CYTH3: variants seen among roughly 807,000 people sequenced by gnomAD.
The protein encoded by CYTH3 is cytohesin 3.
In CYTH3, 23 loss-of-function variants were observed where a neutral mutation model predicts 55.1. That is an observed-to-expected ratio of 0.42 (90% confidence interval 0.30 to 0.59). The LOEUF (loss-of-function observed/expected upper bound fraction) is 0.59, where lower values mean the gene tolerates loss of function less well. Among genes scored for constraint, CYTH3 ranks in the 20% least tolerant of loss-of-function variants. The pLI is 0.20. For missense variants in CYTH3, 413 were observed against 524.8 expected, an observed-to-expected ratio of 0.79 and a Z score of 2.08; for synonymous variants, 249 against 194.9, an observed-to-expected ratio of 1.28 and a Z score of -2.31.
rs369328326 is a variant in CYTH3 at position 6,251,562 on chromosome 7, C to G, written c.34+20912G>C. On this transcript the variant is annotated intron_variant, in intron 1 of 12. Transcript: ENST00000350796. ...GCAATCTGTGAAGGACCGCAAAATT[C>G]TCCGCCCTTAAATTTGTTCAGTAGT... Among the ~76,000 whole-genome samples the G allele has an allele frequency of 2.7e-4, 41 of 152,258 alleles. No individual in the cohort carries two copies. The East Asian group carries it at 5.6e-3, about 21-fold the overall frequency.
In CYTH3 at chr7:6,169,642, C is replaced by T. The variant is rs59705592; in HGVS notation, c.823+893G>A. On this transcript the variant is annotated intron_variant, in intron 9 of 12. Transcript: ENST00000350796. This position sits in a 1 kb window ranked among gnomAD's most constrained non-coding sequence, Gnocchi z 4.1. ...CGCCCGCTTCACTGTGGGCATAAGG[C>T]AACCATCCCCGCCCCGCAGGCAAAA... Among the ~76,000 whole-genome samples, 1,396 of 152,330 alleles carry T rather than the reference C, an allele frequency of 9.2e-3. 22 individuals carry two copies. The highest frequency in any genetic ancestry group is 0.032 in the African/African-American group (1,310 of 41,572).
chr7:6,270,203 T>C (rs2115073680), intron 1 of CYTH3, among the ~76,000 whole-genome samples: 1 of 152,360 alleles, frequency 6.6e-6, no homozygotes, highest in Middle Eastern at 3.4e-3. Flanking sequence ...TATACAATAA[T>C]TACAATATCA....
intron 1 of CYTH3, among the ~76,000 whole-genome samples, chr7:6,228,395 C>T (rs1779303855): frequency 6.6e-6 from 1 of 152,046 alleles, no homozygotes; most frequent in South Asian, 2.1e-4. Context: ...GTTCAAAATA[C>T]TCAGCTCCAA....
At position 6,193,402 on chromosome 7, in the gene CYTH3, T is replaced by A. The variant is rs539237638; in HGVS notation, c.35-2871A>T. On this transcript the variant is annotated intron_variant, in intron 1 of 12. Transcript: ENST00000350796. ...CAAAAAAAAAAAAAAAAAGGAGACA[T>A]CCACTAAAACTGTAGTAATCATAAT... 6.2e-5 allele frequency among the ~76,000 whole-genome samples: 9 copies of A among 146,060 alleles called. No homozygotes were observed. In the South Asian group the frequency reaches 1.9e-3, roughly 31 times the overall value.
intron 1 of CYTH3, among the ~76,000 whole-genome samples, chr7:6,237,700 CTCTA>C (rs556970776): frequency 1.8e-3 from 279 of 152,126 alleles, no homozygotes; most frequent in African/African-American, 6.2e-3. Flanking sequence ...CAGAGCAAGA[CTCTA>C]TCTAAAAAAT....
intron 1 of CYTH3, among the ~76,000 whole-genome samples, chr7:6,225,141 AC>A (rs1232743523): frequency 1.3e-5 from 2 of 152,182 alleles, no homozygotes; most frequent in African/African-American, 4.8e-5. Context: ...CAAATTATAA[AC>A]AAATTATTAA....
At chr7:6,175,884 T>G (rs547844906) in intron 5 of CYTH3, among the ~76,000 whole-genome samples, 2 of 152,226 alleles carry the variant, frequency 1.3e-5, no homozygotes, top group South Asian at 4.1e-4. Flanking sequence ...TTCTGCAACT[T>G]TGTTCTTTTT....
In CYTH3 at chr7:6,197,231, G is replaced by A. The variant is rs1033273136; in HGVS notation, c.35-6700C>T. ...TAAGCACTAGCCGTTTACTTTACCA[G>A]TACTGCAATCAGAATTTCCACGTCT... On this transcript the variant is annotated intron_variant, in intron 1 of 12. Coordinates refer to ENST00000350796, the MANE Select transcript of CYTH3 (RefSeq NM_004227.4). Among the ~76,000 whole-genome samples, 7 of 152,188 alleles carry A rather than the reference G, an allele frequency of 4.6e-5. No homozygotes were observed. In the South Asian group the frequency reaches 1.2e-3, roughly 27 times the overall value.
chr7:6,173,025 C>T (rs3793205), intron 6 of CYTH3: 95,832 of 1,072,076 alleles, frequency 0.089, 7,313 homozygotes, highest in East Asian at 0.68. Flanking sequence ...CCGGCTGAGG[C>T]GACTCCCACC....
intron 1 of CYTH3, among the ~76,000 whole-genome samples, chr7:6,257,905 G>A (rs968174259): frequency 4.6e-5 from 7 of 152,136 alleles, no homozygotes; most frequent in African/African-American, 1.7e-4. Flanking sequence ...CTAGAATCCC[G>A]CTGGTCATCC....
At chr7:6,174,306 G>C (rs1201879720) in intron 5 of CYTH3, among the ~76,000 whole-genome samples, 2 of 151,732 alleles carry the variant, frequency 1.3e-5, no homozygotes, top group African/African-American at 2.4e-5. Context: ...GTAGAGATGG[G>C]GTTTCTCCAT....
At chr7:6,208,733 G>A (rs376339413) in intron 1 of CYTH3, among the ~76,000 whole-genome samples, 1 of 152,088 alleles carries the variant, frequency 6.6e-6, no homozygotes, top group South Asian at 2.1e-4. Flanking sequence ...TAGAGATGGG[G>A]TCTTGCTATG....
intron 1 of CYTH3, among the ~76,000 whole-genome samples, chr7:6,226,778 G>C (rs1199989883): frequency 1.3e-5 from 2 of 152,224 alleles, no homozygotes; most frequent in South Asian, 2.1e-4. Flanking sequence ...AAGTCCTAGA[G>C]ACTGGTTTAA....
chr7:6,173,600 T>G, intron 6 of CYTH3, 53 bp downstream of exon 6: 1 of 1,171,550 alleles, frequency 8.5e-7, no homozygotes, highest in Non-Finnish European at 1.3e-6. Flanking sequence ...GCCCAGGCAG[T>G]GGTCCTCTGG....
rs955473800 is a variant in CYTH3 at position 6,211,639 on chromosome 7, ATTCT to A, written c.35-21112_35-21109del. ...AAGCCACGGTGCCTGGCCTAAATAT[ATTCT>A]TTTATTTTTAAATGTACAATTAAAT... is the stretch of plus-strand genomic sequence containing the variant. On this transcript the variant is annotated intron_variant, in intron 1 of 12. Coordinates refer to ENST00000350796, the MANE Select transcript of CYTH3 (RefSeq NM_004227.4). Among the ~76,000 whole-genome samples, 7 of 152,238 alleles carry A rather than the reference ATTCT, an allele frequency of 4.6e-5. 1 individual carries two copies. The highest frequency in any genetic ancestry group is 3.4e-3 in the Middle Eastern group (1 of 294).
intron 1 of CYTH3, among the ~76,000 whole-genome samples, chr7:6,261,698 A>C (rs1780358327): frequency 6.6e-6 from 1 of 150,802 alleles, no homozygotes; most frequent in African/African-American, 2.4e-5. Flanking sequence ...TCAAAAAAAA[A>C]AAAAAAAAAA....
intron 1 of CYTH3, among the ~76,000 whole-genome samples, chr7:6,217,341 G>A (rs186146840): frequency 2.3e-4 from 35 of 152,124 alleles, no homozygotes; most frequent in Non-Finnish European, 4.0e-4. Flanking sequence ...TCAAATACAC[G>A]TATTTTATAT....
At position 6,170,487 on chromosome 7, in the gene CYTH3, C is replaced by T. The variant is rs777669541; in HGVS notation, c.823+48G>A. The T allele has an allele frequency of 1.9e-6, 3 of 1,561,320 alleles. No individual in the cohort carries two copies. The highest frequency in any genetic ancestry group is 4.5e-5 in the East Asian group (2 of 44,564). ...CTGGGAGGAACCCGAGGGGCTGCTG[C>T]CATGGGCAGAGGGGTCACGCCCGGG... On this transcript the variant is annotated intron_variant, in intron 9 of 12. Transcript: ENST00000350796. This position sits in a 1 kb window ranked among gnomAD's most constrained non-coding sequence, Gnocchi z 7.8.
intron 1 of CYTH3, among the ~76,000 whole-genome samples, chr7:6,229,683 G>A (rs1779339176): frequency 6.6e-6 from 1 of 151,418 alleles, no homozygotes; most frequent in African/African-American, 2.4e-5. Context: ...CGGGCATGGT[G>A]GGAGGTGCCT....
Sources: gnomAD v4.1 joint callset for allele counts (sites outside exome capture counted in the v4.1 genomes callset) on GRCh38, gnomAD v4.1.1 for gene constraint, Gnocchi (gnomAD v3.1) non-coding constraint, MANE v1.5 for transcripts, NCBI Gene and HGNC (gene_info 2026-07-23, HGNC 2026-07-21) for gene names.